CROCC: variants seen among roughly 807,000 people sequenced by gnomAD.
CROCC encodes the protein ciliary rootlet coiled-coil, rootletin.
In CROCC, 180 loss-of-function variants were observed where a neutral mutation model predicts 245.2. The observed-to-expected ratio is 0.73, with a 90% CI of 0.65 to 0.83. CROCC has a LOEUF of 0.83. Ranked by LOEUF, CROCC falls within the 40% of genes least tolerant of loss-of-function variation. The probability of loss-of-function intolerance (pLI) is 0.00; values close to 1 mark genes in which losing one functional copy is unlikely to be tolerated. For missense variants in CROCC, 2,688 were observed against 2,779.4 expected (o/e 0.97, Z 0.74); for synonymous variants, 1,205 against 1,241.6 (o/e 0.97, Z 0.62).
Position 16,962,708 on chromosome 1 carries a change from A to G in CROCC, c.4405+1578A>G, listed in dbSNP as rs116714255. Among the ~76,000 whole-genome samples the G allele has an allele frequency of 6.0e-3, 898 of 149,704 alleles. 2 individuals carry two copies. Among genetic ancestry groups the G allele is most frequent in the African/African-American group, 0.021 (853 of 40,910 alleles). Reference sequence around the variant, plus strand: ...AATTTTTGTGTATGTGTGTGTGTGTATATAAATATACATATATATATATGT... The same window carrying G: ...AATTTTTGTGTATGTGTGTGTGTGTGTATAAATATACATATATATATATGT... On this transcript the variant is annotated intron_variant, in intron 27 of 36. Coordinates refer to ENST00000375541, the MANE Select transcript of CROCC (RefSeq NM_014675.5).
chr1:16,960,670 G>C lies in CROCC; in HGVS notation c.4033-88G>C. The C allele has an allele frequency of 5.8e-6, 8 of 1,368,800 alleles. No homozygotes were observed. The South Asian group carries it at 1.3e-4, about 23-fold the overall frequency. The allele number at this position is 1,368,800 out of a possible 1,614,324, so 84.8% of individuals were successfully genotyped here. On this transcript the variant is annotated intron_variant, in intron 26 of 36. Coordinates refer to ENST00000375541, the MANE Select transcript of CROCC (RefSeq NM_014675.5). ...AAGGGTTGTACTGACCACACAGTCA[G>C]GGATGGTGGGCTCCAGTCTGGGCCT... is the stretch of plus-strand genomic sequence containing the variant.
intron 7 of CROCC, 150 bp downstream of exon 7, chr1:16,930,744 C>G: frequency 1.0e-6 from 1 of 975,590 alleles, no homozygotes; most frequent in Non-Finnish European, 1.5e-6. Context: ...AATAGCTGGT[C>G]TTTATCAGTG....
Position 16,955,492 on chromosome 1 carries a change from C to T in CROCC, c.3646C>T (p.Arg1216Trp), listed in dbSNP as rs749003874. Residue 1216 changes from arginine to tryptophan, a missense_variant, in exon 24 of 37, where the codon CGG becomes TGG. By Grantham distance (101) the Arg-to-Trp change is moderately radical (BLOSUM62 -3). Coordinates refer to ENST00000375541, the MANE Select transcript of CROCC (RefSeq NM_014675.5). ...GGGTGCCAAGGAGCGCGAGGCCCTG[C>T]GGCGTTCCAATGAGGAGCTTCGGTC... ...GEGAKEREAL[R>W]RSNEELRSAV... is the part of the protein sequence containing the mutation. 15 of 1,578,904 alleles carry T rather than the reference C, an allele frequency of 9.5e-6. No homozygotes were observed. Among genetic ancestry groups the T allele is most frequent in the South Asian group, 2.3e-5 (2 of 87,144 alleles).
intron 23 of CROCC, 54 bp from the exon 24 acceptor site, chr1:16,955,258 G>T: frequency 6.4e-7 from 1 of 1,560,856 alleles, no homozygotes; most frequent in Non-Finnish European, 8.7e-7. Flanking sequence ...ACAAGACCCA[G>T]CTTGACGGGG....
At chr1:16,942,378 CTT>C (rs1441621009) in intron 13 of CROCC, among the ~76,000 whole-genome samples, 1 of 152,270 alleles carries the variant, frequency 6.6e-6, no homozygotes, top group Non-Finnish European at 1.5e-5. Flanking sequence ...TGGTTTTTCT[CTT>C]CATAAATGTA....
chr1:16,944,349 C>CT (rs2076000064), intron 14 of CROCC, 67 bp downstream of exon 14: 2 of 1,447,974 alleles, frequency 1.4e-6, no homozygotes, highest in East Asian at 2.5e-5. Flanking sequence ...ACAGTGCCCC[C>CT]CTGGGGTTAG....
chr1:16,938,446 G>A lies in CROCC; in HGVS notation c.1337G>A (p.Gly446Glu). The A allele has an allele frequency of 6.3e-7, 1 of 1,581,116 alleles. No individual in the cohort carries two copies. Among genetic ancestry groups the A allele is most frequent in the Non-Finnish European group, 8.6e-7 (1 of 1,164,380 alleles). The change falls in exon 11 of 37, where the codon GGA (glycine) becomes GAA (glutamate). Residue 446 changes from glycine (G) to glutamate (E), a missense_variant. Coordinates refer to ENST00000375541, the MANE Select transcript of CROCC (RefSeq NM_014675.5). ...CAGGCGGCCCTGGAGACAGAGGATG[G>A]AGAGGGGCTACAGCAGACCCTAAGG... ...QEQAALETED[G>E]EGLQQTLRDL...
chr1:16,959,166 G>A (rs2076292359), intron 26 of CROCC, among the ~76,000 whole-genome samples: 1 of 152,104 alleles, frequency 6.6e-6, no homozygotes, highest in African/African-American at 2.4e-5. Flanking sequence ...GGGATTACAG[G>A]TGCTTGCCAC....
At chr1:16,972,282 T>C in intron 36 of CROCC, 78 bp from the exon 37 acceptor site, 1 of 1,132,172 alleles carries the variant, frequency 8.8e-7, no homozygotes, top group Non-Finnish European at 1.3e-6. Context: ...ACTGTGTCCC[T>C]CCGGGTTCCC....
chr1:16,922,367 A>C (rs1265443061), intron 1 of CROCC, among the ~76,000 whole-genome samples: 1 of 152,272 alleles, frequency 6.6e-6, no homozygotes, highest in Non-Finnish European at 1.5e-5. Context: ...ATCCTCATCC[A>C]TCTAGGGTCG....
intron 25 of CROCC, among the ~76,000 whole-genome samples, chr1:16,958,007 C>T (rs999596650): frequency 2.1e-4 from 32 of 151,920 alleles, no homozygotes; most frequent in African/African-American, 7.8e-4. Context: ...CCTCCCTGCT[C>T]CTGTGGGGAA....
chr1:16,930,859 G>A (rs9435712), intron 7 of CROCC, among the ~76,000 whole-genome samples: 1 of 152,122 alleles, frequency 6.6e-6, no homozygotes, highest in African/African-American at 2.4e-5. Flanking sequence ...GGTTAAGGCC[G>A]GTCGCAGTGG....
In CROCC at chr1:16,938,503, G is replaced by A. The variant is rs953249683; in HGVS notation, c.1374+20G>A. On this transcript the variant is annotated intron_variant, in intron 11 of 36. Transcript: ENST00000375541. Reference sequence around the variant, plus strand: ...GCACAGGTGTGAGCCCAGAGAGGCGGGAAGACAGCGCCCTGCCAGGCAGTC... The same window carrying A: ...GCACAGGTGTGAGCCCAGAGAGGCGAGAAGACAGCGCCCTGCCAGGCAGTC... 5.8e-6 allele frequency: 9 copies of A among 1,549,580 alleles called. No homozygotes were observed. The highest frequency in any genetic ancestry group is 7.0e-6 in the Non-Finnish European group (8 of 1,145,656).
At chr1:16,968,931 TG>T in intron 31 of CROCC, 184 bp from the exon 32 acceptor site, 1 of 694,996 alleles carries the variant, frequency 1.4e-6, no homozygotes, top group Non-Finnish European at 2.6e-6. Flanking sequence ...AGCAATGGGA[TG>T]GGGCCCAGGT....
chr1:16,914,208 C>T lies in CROCC; in HGVS notation n.126-16078C>T, dbSNP rs145029878. Among the ~76,000 whole-genome samples, 722 of 152,000 alleles carry T rather than the reference C, an allele frequency of 4.7e-3. 5 individuals carry two copies. The highest frequency in any genetic ancestry group is 6.6e-3 in the Non-Finnish European group (449 of 67,926). ...GCTCCCGGCGGAGGAGGCCGCGCGC[C>T]TGGGGGCGGGCTGGAGCCACGTACC... On this transcript the variant is annotated intron_variant and non_coding_transcript_variant, in intron 1 of 8. Coordinates refer to the CROCC transcript ENST00000466256.
rs756556898 is a variant in CROCC, at chr1:16,969,642, G to A, written c.5302-143G>A. On this transcript the variant is annotated intron_variant, in intron 32 of 36. Transcript: ENST00000375541. ...CCTTATGCAGGTCAGTGGATAGGCCGTGGATGGGTTTGGTGTGCACCCCAC... is the reference window on the plus strand; with the variant it reads ...CCTTATGCAGGTCAGTGGATAGGCCATGGATGGGTTTGGTGTGCACCCCAC... 189 of 1,202,988 alleles carry A rather than the reference G, an allele frequency of 1.6e-4. 2 individuals are homozygous for A. The highest frequency in any genetic ancestry group is 4.5e-4 in the South Asian group (30 of 67,174). The allele number at this position is 1,202,988 out of a possible 1,614,324, so 74.5% of individuals were successfully genotyped here.
intron 25 of CROCC, among the ~76,000 whole-genome samples, chr1:16,957,938 G>A (rs1224406353): frequency 1.3e-5 from 2 of 152,168 alleles, no homozygotes; most frequent in Non-Finnish European, 2.9e-5. Context: ...TGGACGCGTT[G>A]CATGCTACGG....
In CROCC at chr1:16,966,033, G is replaced by A. The variant is rs754225369; in HGVS notation, c.4610G>A (p.Arg1537His). The A allele has an allele frequency of 2.1e-5, 34 of 1,613,702 alleles. No homozygotes were observed. Among genetic ancestry groups the A allele is most frequent in the African/African-American group, 6.7e-5 (5 of 74,948 alleles). Residue 1537 changes from arginine (R) to histidine (H), a missense_variant, in exon 29 of 37, where the codon CGC becomes CAC. By Grantham distance (29) the Arg-to-His change is conservative. Around this residue, in one of 9 missense-constraint regions of CROCC, gnomAD observed 1,218 missense variants for 1,286.3 expected, o/e 0.95. Transcript: ENST00000375541. The surrounding 1 kb of genome is among the most constrained non-coding windows in gnomAD (Gnocchi z 4.8). ...ELRTQTSALNRQLAEMEAERD... is the reference protein window; with the variant it reads ...ELRTQTSALNHQLAEMEAERD... ...CGGACCCAGACCAGTGCCCTGAATCGCCAGCTGGCCGAGATGGAGGCTGAG... is the reference window on the plus strand; with the variant it reads ...CGGACCCAGACCAGTGCCCTGAATCACCAGCTGGCCGAGATGGAGGCTGAG...
chr1:16,943,264 G>A (rs1194301026), intron 13 of CROCC, among the ~76,000 whole-genome samples: 4 of 148,198 alleles, frequency 2.7e-5, no homozygotes, highest in African/African-American at 5.0e-5. Flanking sequence ...ATTACTGGGC[G>A]CATTGGCTCA....
Sources: allele counts gnomAD v4.1 joint callset (sites outside exome capture counted in the v4.1 genomes callset), GRCh38; gene constraint gnomAD v4.1.1; regional missense constraint gnomAD v4.1.1; non-coding constraint Gnocchi (gnomAD v3.1); transcripts MANE v1.5; gene names NCBI Gene and HGNC (gene_info 2026-07-23, HGNC 2026-07-21).